KLHL32: variants seen among roughly 807,000 people sequenced by gnomAD.
KLHL32 encodes kelch-like protein 32.
In KLHL32, 35 loss-of-function variants were observed where a neutral mutation model predicts 64.8. The observed-to-expected ratio is 0.54, with a 90% CI of 0.41 to 0.72. KLHL32 has a LOEUF of 0.72. Among genes scored for constraint, KLHL32 ranks in the 30% least tolerant of loss-of-function variants. The pLI is 0.00. For missense variants in KLHL32, 589 were observed against 768.5 expected (o/e 0.77, Z 2.76); for synonymous variants, 259 against 281.0 (o/e 0.92, Z 0.78).
chr6:97,065,128 G>T (rs549836787), intron 5 of KLHL32, among the ~76,000 whole-genome samples: 1 of 152,290 alleles, frequency 6.6e-6, no homozygotes, highest in Non-Finnish European at 1.5e-5. Flanking sequence ...TTCAGTAACA[G>T]TATCTAGTAA....
At chr6:97,071,709 AC>A (rs1405056604) in intron 5 of KLHL32, among the ~76,000 whole-genome samples, 2 of 152,096 alleles carry the variant, frequency 1.3e-5, no homozygotes, top group African/African-American at 4.8e-5. Context: ...CTCTGCCAAG[AC>A]CTCATGAATT....
At chr6:96,975,456 G>A (rs1775588539) in intron 2 of KLHL32, among the ~76,000 whole-genome samples, 1 of 152,140 alleles carries the variant, frequency 6.6e-6, no homozygotes, top group African/African-American at 2.4e-5. Flanking sequence ...TACATGGAAT[G>A]GTCATTTGCA....
intron 2 of KLHL32, among the ~76,000 whole-genome samples, chr6:96,971,585 G>A (rs1775107607): frequency 2.0e-5 from 3 of 151,934 alleles, no homozygotes; most frequent in Admixed American, 1.3e-4. Flanking sequence ...TTGCTCCCTG[G>A]CATTACTAAA....
intron 4 of KLHL32, 98 bp downstream of exon 4, chr6:97,041,697 T>C: frequency 1.5e-6 from 1 of 679,068 alleles, no homozygotes; most frequent in Non-Finnish European, 2.5e-6. Flanking sequence ...TTGTTCTTGT[T>C]ACTCATTTTG....
intron 6 of KLHL32, among the ~76,000 whole-genome samples, chr6:97,101,912 T>C (rs1367803110): frequency 2.0e-5 from 3 of 152,228 alleles, no homozygotes; most frequent in African/African-American, 7.2e-5. Flanking sequence ...TTATCATGAA[T>C]TTAAAAGGAT....
intron 1 of KLHL32, among the ~76,000 whole-genome samples, chr6:96,966,268 A>C (rs1388724047): frequency 6.6e-6 from 1 of 152,240 alleles, no homozygotes; most frequent in African/African-American, 2.4e-5. Flanking sequence ...GTCATGGACC[A>C]GGACCCAGAC....
chr6:96,956,214 T>G (rs559962603), intron 1 of KLHL32, among the ~76,000 whole-genome samples: 1 of 152,196 alleles, frequency 6.6e-6, no homozygotes, highest in Non-Finnish European at 1.5e-5. Context: ...CACTGGGTCC[T>G]TCCCACAACA....
chr6:97,005,635 C>A (rs1779576150), intron 3 of KLHL32, among the ~76,000 whole-genome samples: 1 of 152,114 alleles, frequency 6.6e-6, no homozygotes, highest in African/African-American at 2.4e-5. Context: ...AAACATTCTT[C>A]TTCAGTCTGC....
chr6:97,102,706 A>G (rs1299981772), intron 6 of KLHL32, among the ~76,000 whole-genome samples: 2 of 152,166 alleles, frequency 1.3e-5, no homozygotes, highest in Admixed American at 1.3e-4. Context: ...AAATATGAGG[A>G]GACCAAGAAT....
chr6:97,059,236 G>T (rs1270104981), intron 4 of KLHL32, among the ~76,000 whole-genome samples: 1 of 152,198 alleles, frequency 6.6e-6, no homozygotes, highest in Non-Finnish European at 1.5e-5. Context: ...GGAAATTAAA[G>T]GAATGAGGAG....
At chr6:97,067,180 C>T (rs924295196) in intron 5 of KLHL32, among the ~76,000 whole-genome samples, 2 of 152,186 alleles carry the variant, frequency 1.3e-5, no homozygotes, top group African/African-American at 4.8e-5. Flanking sequence ...TGAGCCTCAC[C>T]ATCCTGCAGT....
chr6:97,007,243 T>C (rs1779780393), intron 3 of KLHL32, among the ~76,000 whole-genome samples: 1 of 149,524 alleles, frequency 6.7e-6, no homozygotes, highest in South Asian at 2.1e-4. Context: ...GGAGAGGTAG[T>C]CTTCGAGTTC....
At chr6:96,983,082 A>G (rs532697055) in intron 3 of KLHL32, among the ~76,000 whole-genome samples, 3 of 152,382 alleles carry the variant, frequency 2.0e-5, no homozygotes, top group Admixed American at 2.0e-4. Context: ...GAGAGTTTTT[A>G]GCATGAAGCG....
intron 1 of KLHL32, among the ~76,000 whole-genome samples, chr6:96,958,200 C>T (rs749745763): frequency 6.6e-6 from 1 of 152,158 alleles, no homozygotes; most frequent in Non-Finnish European, 1.5e-5. Context: ...AACTTATTGT[C>T]TAGGGAAGGG....
chr6:96,899,228 A>G, the KLHL32 span, among the ~76,000 whole-genome samples: 1 of 152,180 alleles, frequency 6.6e-6, no homozygotes, highest in Non-Finnish European at 1.5e-5. Flanking sequence ...GATAGCATTA[A>G]CTGGGAAGTT....
chr6:96,910,894 T>A, the KLHL32 span, among the ~76,000 whole-genome samples: 97 of 152,332 alleles, frequency 6.4e-4, no homozygotes, highest in African/African-American at 2.1e-3. Context: ...ATTGCCAATT[T>A]TATTTTAAAT....
chr6:96,899,895 C>T, the KLHL32 span, among the ~76,000 whole-genome samples: 1 of 152,172 alleles, frequency 6.6e-6, no homozygotes, highest in Admixed American at 6.5e-5. Context: ...TATTATGATG[C>T]ATGTGTATGG....
chr6:96,967,408 CAT>C (rs1392368653), intron 2 of KLHL32, among the ~76,000 whole-genome samples: 1 of 150,524 alleles, frequency 6.6e-6, no homozygotes, highest in Non-Finnish European at 1.5e-5. Flanking sequence ...AAAAACTATA[CAT>C]ATATATGTGT....
At position 96,947,740 on chromosome 6, in the gene KLHL32, CT is replaced by C. The variant is rs543892931; in HGVS notation, c.-65-19254del. 1.1e-3 allele frequency among the ~76,000 whole-genome samples: 161 copies of C among 152,260 alleles called. 6 individuals carry two copies. In the South Asian group the frequency reaches 0.033, roughly 31 times the overall value. On this transcript the variant is annotated intron_variant, in intron 1 of 10. Transcript: ENST00000369261. ...AGTAATTATATTGACTCATTAAACT[CT>C]TATAAACATGCTGTGAGGTAAGTAG...
Sources: allele counts gnomAD v4.1 joint callset (sites outside exome capture counted in the v4.1 genomes callset), GRCh38; gene constraint gnomAD v4.1.1; transcripts MANE v1.5; gene names NCBI Gene and HGNC (gene_info 2026-07-23, HGNC 2026-07-21).